SLC14A2: variants seen among roughly 807,000 people sequenced by gnomAD.
The protein encoded by SLC14A2 is solute carrier family 14 member 2.
In SLC14A2, 91 loss-of-function variants were observed where a neutral mutation model predicts 104.6. That is an observed-to-expected ratio of 0.87 (90% CI 0.73 to 1.04). The LOEUF (loss-of-function observed/expected upper bound fraction) is 1.04, where lower values mean the gene tolerates loss of function less well. Among genes scored for constraint, SLC14A2 ranks in the 50% least tolerant of loss-of-function variants. SLC14A2 has a pLI of 0.00. For missense variants in SLC14A2, 1,189 were observed against 1,156.0 expected (o/e 1.03, Z -0.41); for synonymous variants, 476 against 466.4 (o/e 1.02, Z -0.27).
At chr18:45,200,715 C>T in the SLC14A2 span, among the ~76,000 whole-genome samples, 2 of 152,262 alleles carry the variant, frequency 1.3e-5, no homozygotes, top group African/African-American at 4.8e-5. Flanking sequence ...TTTTCATGCA[C>T]TTAGGCTTTG....
intron 1 of SLC14A2, among the ~76,000 whole-genome samples, chr18:45,252,172 G>A (rs1257128041): frequency 6.6e-6 from 1 of 152,090 alleles, no homozygotes; most frequent in African/African-American, 2.4e-5. Context: ...CCTGCCCTCT[G>A]AACATCTGTA....
At chr18:45,558,721 T>G (rs995989398) in intron 2 of SLC14A2, among the ~76,000 whole-genome samples, 4 of 152,180 alleles carry the variant, frequency 2.6e-5, no homozygotes, top group African/African-American at 9.7e-5. Flanking sequence ...CATTTGACCA[T>G]AGATACCAAG....
At chr18:45,419,957 A>G (rs1027834072) in intron 1 of SLC14A2, among the ~76,000 whole-genome samples, 8 of 152,240 alleles carry the variant, frequency 5.3e-5, no homozygotes, top group Admixed American at 3.3e-4. Flanking sequence ...CTAAAGCTGC[A>G]TAACAGATTG....
At chr18:45,412,348 A>G (rs189057659) in intron 1 of SLC14A2, among the ~76,000 whole-genome samples, 4 of 152,322 alleles carry the variant, frequency 2.6e-5, no homozygotes, top group Admixed American at 2.0e-4. Flanking sequence ...TCTTTGACCT[A>G]ATAACTAGTA....
rs192138516 is a variant in SLC14A2 at position 45,510,254 on chromosome 18, A to G, written c.-35+26932A>G. On this transcript the variant is annotated intron_variant, in intron 2 of 20. Coordinates refer to the SLC14A2 transcript ENST00000586448. ...AATAGATTTGTGTTTTACAGTGGTC[A>G]TTACAATTCCCATGTGATAGGGGAG... Among the ~76,000 whole-genome samples, 51 of 152,324 alleles carry G rather than the reference A, an allele frequency of 3.3e-4. 1 individual carries two copies. In the East Asian group the frequency reaches 9.5e-3, roughly 28 times the overall value.
intron 1 of SLC14A2, among the ~76,000 whole-genome samples, chr18:45,376,693 G>A (rs552687620): frequency 1.3e-5 from 2 of 152,102 alleles, no homozygotes; most frequent in Admixed American, 6.6e-5. Flanking sequence ...ATGAGTACAG[G>A]GTGGGGACAT....
intron 1 of SLC14A2, among the ~76,000 whole-genome samples, chr18:45,243,827 T>TC (rs2084341930): frequency 6.6e-6 from 1 of 152,150 alleles, no homozygotes; most frequent in East Asian, 1.9e-4. Flanking sequence ...TTGTCAGAAT[T>TC]CCCCTGTTCT....
At chr18:45,251,327 T>C (rs1266686386) in intron 1 of SLC14A2, among the ~76,000 whole-genome samples, 1 of 152,228 alleles carries the variant, frequency 6.6e-6, no homozygotes, top group Non-Finnish European at 1.5e-5. Context: ...AGTCTTCAAT[T>C]CTGTCCAGGT....
chr18:45,622,655 C>G (rs988429871), intron 1 of SLC14A2, among the ~76,000 whole-genome samples: 2 of 152,048 alleles, frequency 1.3e-5, no homozygotes, highest in Non-Finnish European at 2.9e-5. Flanking sequence ...CGAAGAAGAG[C>G]CGCCAAAAGA....
intron 2 of SLC14A2, among the ~76,000 whole-genome samples, chr18:45,599,127 C>G (rs1479616431): frequency 1.3e-5 from 2 of 152,080 alleles, no homozygotes; most frequent in East Asian, 3.9e-4. Context: ...TAAACCAAAC[C>G]CTGGAGGCAT....
chr18:45,388,488 G>T (rs570963605), intron 1 of SLC14A2, among the ~76,000 whole-genome samples: 2 of 152,220 alleles, frequency 1.3e-5, no homozygotes, highest in South Asian at 2.1e-4. Context: ...TAGGCTGGTT[G>T]GATAGCATCT....
intron 1 of SLC14A2, among the ~76,000 whole-genome samples, chr18:45,222,179 A>C (rs1236170994): frequency 6.6e-6 from 1 of 152,132 alleles, no homozygotes; most frequent in Non-Finnish European, 1.5e-5. Context: ...TTCTCAGTTT[A>C]CTTGTTTATT....
At chr18:45,618,669 CAAAAAAAAAAA>C (rs60728655) in intron 1 of SLC14A2, among the ~76,000 whole-genome samples, 63 of 50,696 alleles carry the variant, frequency 1.2e-3, no homozygotes, top group Non-Finnish European at 1.8e-3. Flanking sequence ...AACTCTGTCT[CAAAAAAAAAAA>C]AAAAAAAAAA....
chr18:45,322,765 A>ATTTGCAG (rs2085197956), intron 1 of SLC14A2, among the ~76,000 whole-genome samples: 1 of 152,170 alleles, frequency 6.6e-6, no homozygotes. Flanking sequence ...ACAGCAATCT[A>ATTTGCAG]TTTGCAGAGT....
intron 1 of SLC14A2, among the ~76,000 whole-genome samples, chr18:45,225,762 G>A (rs1356500882): frequency 6.6e-6 from 1 of 152,092 alleles, no homozygotes; most frequent in Non-Finnish European, 1.5e-5. Flanking sequence ...TTGTGAATGG[G>A]AGTTCACTCA....
rs564088863 is a variant in SLC14A2 at position 45,616,653 on chromosome 18, G to T, written c.-35+1071G>T. On this transcript the variant is annotated intron_variant, in intron 1 of 19. Transcript: ENST00000255226. ...AGGGCCTGGCTTAAAGGGAGATAAT[G>T]GGCTGATCCAGACTGAGGGCTCTGA... Among the ~76,000 whole-genome samples the T allele has an allele frequency of 2.6e-5, 4 of 152,298 alleles. No homozygotes were observed. In the South Asian group the frequency reaches 8.3e-4, roughly 32 times the overall value.
chr18:45,246,570 G>T (rs2084369451), intron 1 of SLC14A2, among the ~76,000 whole-genome samples: 1 of 152,036 alleles, frequency 6.6e-6, no homozygotes, highest in Admixed American at 6.6e-5. Flanking sequence ...AACTTTTGTT[G>T]TTGTTGTTGT....
At chr18:45,177,219 A>C in the SLC14A2 span, among the ~76,000 whole-genome samples, 7 of 150,120 alleles carry the variant, frequency 4.7e-5, no homozygotes, top group South Asian at 1.5e-3. Flanking sequence ...AGAAGCTACT[A>C]TCTTCTCTCA....
Position 45,399,958 on chromosome 18 carries a change from T to G in SLC14A2, c.-124-83275T>G, listed in dbSNP as rs145124409. On this transcript the variant is annotated intron_variant, in intron 1 of 20. Coordinates refer to the SLC14A2 transcript ENST00000586448. ...TTCAGACGTGAGGCAATGAACTGTC[T>G]TATCACCACTCATGGCCATATCACA... Among the ~76,000 whole-genome samples, 57 of 152,268 alleles carry G rather than the reference T, an allele frequency of 3.7e-4. 1 individual carries two copies. In the East Asian group the frequency reaches 7.9e-3, roughly 21 times the overall value.
Sources: allele counts gnomAD v4.1 joint callset (sites outside exome capture counted in the v4.1 genomes callset), GRCh38; gene constraint gnomAD v4.1.1; transcripts MANE v1.5; gene names NCBI Gene and HGNC (gene_info 2026-07-23, HGNC 2026-07-21).